Variants in COL10A1 observed in about 807,000 individuals in gnomAD.
COL10A1 encodes collagen type X alpha 1 chain.
A neutral mutation model predicts 18.2 loss-of-function variants in COL10A1; 10 were observed. The observed-to-expected ratio is 0.55, with a 90% CI of 0.34 to 0.93. COL10A1 has a LOEUF of 0.93. Ranked by LOEUF, COL10A1 falls within the 40% of genes least tolerant of loss-of-function variation. COL10A1 has a pLI of 0.02. For missense variants in COL10A1, 897 were observed against 853.5 expected, an observed-to-expected ratio of 1.05 and a Z score of -0.64; for synonymous variants, 330 against 316.6, an observed-to-expected ratio of 1.04 and a Z score of -0.45.
chr6:116,215,640 C>T, the COL10A1 span, among the ~76,000 whole-genome samples: 4 of 152,246 alleles, frequency 2.6e-5, no homozygotes, highest in South Asian at 2.1e-4. Context: ...TCCACATTTA[C>T]GTTGTCTGTC....
At chr6:116,199,086 C>T in the COL10A1 span, among the ~76,000 whole-genome samples, 1 of 151,966 alleles carries the variant, frequency 6.6e-6, no homozygotes, top group African/African-American at 2.4e-5. Context: ...CACCCTCCAC[C>T]CACCAGAAAT....
the COL10A1 span, among the ~76,000 whole-genome samples, chr6:116,174,748 A>G: frequency 1.3e-5 from 2 of 152,226 alleles, no homozygotes; most frequent in East Asian, 1.9e-4. Context: ...TGCTTTCATC[A>G]TACTCCATTT....
intron 1 of COL10A1, among the ~76,000 whole-genome samples, chr6:116,143,081 T>C (rs1364019152): frequency 1.3e-5 from 2 of 152,232 alleles, no homozygotes; most frequent in African/African-American, 4.8e-5. Context: ...GATTTTGTTA[T>C]TTTGAATAAT....
intron 1 of COL10A1, among the ~76,000 whole-genome samples, chr6:116,132,010 GT>G (rs1360910013): frequency 2.0e-5 from 3 of 152,110 alleles, no homozygotes; most frequent in African/African-American, 7.2e-5. Flanking sequence ...TTATCTTATT[GT>G]TTTTTATGGC....
chr6:116,136,859 T>A (rs1189606338), intron 1 of COL10A1, among the ~76,000 whole-genome samples: 2 of 152,094 alleles, frequency 1.3e-5, no homozygotes, highest in African/African-American at 4.8e-5. Context: ...AATGCAAAAA[T>A]CTGAAACCCC....
At chr6:116,201,184 G>A in the COL10A1 span, among the ~76,000 whole-genome samples, 2 of 151,914 alleles carry the variant, frequency 1.3e-5, no homozygotes, top group Non-Finnish European at 2.9e-5. Context: ...AAATCTTGGA[G>A]GGACAATACA....
intron 1 of COL10A1, among the ~76,000 whole-genome samples, chr6:116,157,426 G>A (rs1219752599): frequency 6.6e-6 from 1 of 152,172 alleles, no homozygotes; most frequent in African/African-American, 2.4e-5. Context: ...GAGCTATGGG[G>A]ACAGGTTCAA....
the COL10A1 span, among the ~76,000 whole-genome samples, chr6:116,168,531 A>C: frequency 1.3e-5 from 2 of 152,100 alleles, no homozygotes; most frequent in Admixed American, 1.3e-4. Flanking sequence ...GTCTGTCTTT[A>C]TACCATAGGA....
At chr6:116,128,241 T>C (rs1779374385), upstream of COL10A1, among the ~76,000 whole-genome samples, 1 of 152,204 alleles carries the variant, frequency 6.6e-6, no homozygotes. Flanking sequence ...AGTGTACTTA[T>C]TTCAGCACAA....
At chr6:116,135,851 A>ATAT (rs1212425164) in intron 1 of COL10A1, among the ~76,000 whole-genome samples, 1 of 113,554 alleles carries the variant, frequency 8.8e-6, no homozygotes, top group Non-Finnish European at 1.7e-5. Context: ...ATATATATAT[A>ATAT]TATATATATA....
chr6:116,194,032 G>A, the COL10A1 span, among the ~76,000 whole-genome samples: 3 of 152,052 alleles, frequency 2.0e-5, no homozygotes, highest in Non-Finnish European at 2.9e-5. Flanking sequence ...GGGCAACAGA[G>A]TGAAACCCTG....
At chr6:116,148,410 TA>T (rs1779951048) in intron 1 of COL10A1, among the ~76,000 whole-genome samples, 3 of 152,244 alleles carry the variant, frequency 2.0e-5, no homozygotes, top group African/African-American at 7.2e-5. Flanking sequence ...AAAGATTGTC[TA>T]CTTTTTGGAA....
At chr6:116,154,502 T>C (rs188006127) in intron 1 of COL10A1, among the ~76,000 whole-genome samples, 3 of 152,314 alleles carry the variant, frequency 2.0e-5, no homozygotes, top group Admixed American at 2.0e-4. Flanking sequence ...TATGTTAACC[T>C]TAATTTAAGT....
At chr6:116,139,126 A>G (rs1779699778) in intron 1 of COL10A1, among the ~76,000 whole-genome samples, 1 of 152,156 alleles carries the variant, frequency 6.6e-6, no homozygotes, top group South Asian at 2.1e-4. Flanking sequence ...AGAAAAAAGG[A>G]TAAAGAGTTA....
At chr6:116,175,590 G>A in the COL10A1 span, among the ~76,000 whole-genome samples, 1 of 152,098 alleles carries the variant, frequency 6.6e-6, no homozygotes, top group Non-Finnish European at 1.5e-5. Flanking sequence ...GTTTGTGGAT[G>A]CCCTGTTCCT....
chr6:116,128,017 G>C (rs2857394), upstream of COL10A1, among the ~76,000 whole-genome samples: 1 of 152,066 alleles, frequency 6.6e-6, no homozygotes, highest in African/African-American at 2.4e-5. Flanking sequence ...TCCTGTGCTT[G>C]AGGTATTCTG....
At chr6:116,130,572 C>T (rs1162213163), upstream of COL10A1, among the ~76,000 whole-genome samples, 1 of 152,070 alleles carries the variant, frequency 6.6e-6, no homozygotes, top group African/African-American at 2.4e-5. Flanking sequence ...GTCTGAGTGC[C>T]TGGATGTCTG....
At chr6:116,212,779 A>G in the COL10A1 span, among the ~76,000 whole-genome samples, 1 of 152,112 alleles carries the variant, frequency 6.6e-6, no homozygotes, top group Non-Finnish European at 1.5e-5. Flanking sequence ...TATTATTTTC[A>G]GTTTCTAAGC....
intron 1 of COL10A1, among the ~76,000 whole-genome samples, chr6:116,157,232 TC>T (rs982708964): frequency 6.6e-6 from 1 of 152,160 alleles, no homozygotes; most frequent in Admixed American, 6.6e-5. Flanking sequence ...AAATGAGGAT[TC>T]CCCCCCATAT....
Sources: allele counts gnomAD v4.1 joint callset (sites outside exome capture counted in the v4.1 genomes callset), GRCh38; gene constraint gnomAD v4.1.1; transcripts MANE v1.5; gene names NCBI Gene and HGNC (gene_info 2026-07-23, HGNC 2026-07-21).